MYEF2: variants seen among roughly 807,000 people sequenced by gnomAD.
MYEF2 encodes the protein myelin gene expression factor 2.
A neutral mutation model predicts 75.2 loss-of-function variants in MYEF2; 37 were observed. That is an observed-to-expected ratio of 0.49 (90% CI 0.38 to 0.65). The LOEUF (loss-of-function observed/expected upper bound fraction) is 0.65, where lower values mean the gene tolerates loss of function less well. Among genes scored for constraint, MYEF2 ranks in the 30% least tolerant of loss-of-function variants. The probability of loss-of-function intolerance (pLI) is 0.00; values close to 1 mark genes in which losing one functional copy is unlikely to be tolerated. For missense variants in MYEF2, 634 were observed against 771.4 expected (o/e 0.82, Z 2.11); for synonymous variants, 195 against 241.6 (o/e 0.81, Z 1.79).
At chr15:48,160,486 T>TACATACACACACACACACACACACAC (rs200591805) in intron 5 of MYEF2, among the ~76,000 whole-genome samples, 286 of 139,278 alleles carry the variant, frequency 2.1e-3, no homozygotes, top group African/African-American at 7.4e-3. Flanking sequence ...AAACCAAACA[T>TACATACACACACACACACACACACAC]ACACACACAC....
In MYEF2 at chr15:48,141,176, T is replaced by C; in HGVS notation, c.*1732A>G. ...ACTTTATTAGCAGCAGGAACAAGCA[T>C]ACCAGACACAATTGCAAGTGTGTTG... On this transcript the variant is annotated 3_prime_UTR_variant, in exon 17 of 17. Transcript: ENST00000324324. The C allele has an allele frequency of 1.2e-6, 2 of 1,613,942 alleles. No individual in the cohort carries two copies. Among genetic ancestry groups the C allele is most frequent in the Non-Finnish European group, 8.5e-7 (1 of 1,179,848 alleles).
rs1182977265 is a variant in MYEF2 at position 48,136,164 on chromosome 15, T to C, written c.*6744A>G. On this transcript the variant is annotated 3_prime_UTR_variant, in exon 17 of 17. Coordinates refer to ENST00000324324, the MANE Select transcript of MYEF2 (RefSeq NM_016132.5). ...CATTCAAATCATTAAAAATGCTCTGTATGACAAACTGAAAAATCCCAGCCT... is the reference window on the plus strand; with the variant it reads ...CATTCAAATCATTAAAAATGCTCTGCATGACAAACTGAAAAATCCCAGCCT... The C allele has an allele frequency of 6.6e-6, 1 of 152,150 alleles. No homozygotes were observed. The highest frequency in any genetic ancestry group is 2.4e-5 in the African/African-American group (1 of 41,452). The allele number at this position is 152,150 out of a possible 1,614,324, so 9.4% of individuals were successfully genotyped here.
In MYEF2 at chr15:48,136,905, A is replaced by C. The variant is rs1416356370; in HGVS notation, c.*6003T>G. On this transcript the variant is annotated 3_prime_UTR_variant, in exon 17 of 17. Coordinates refer to ENST00000324324, the MANE Select transcript of MYEF2 (RefSeq NM_016132.5). ...GAACTGATAGTGGAATATTTTATGA[A>C]GATTCTGGCTACTCTCAGCTCTCTA... 3 of 1,613,748 alleles carry C rather than the reference A, an allele frequency of 1.9e-6. No homozygotes were observed. Among genetic ancestry groups the C allele is most frequent in the Non-Finnish European group, 2.5e-6 (3 of 1,179,802 alleles).
Position 48,178,131 on chromosome 15 carries a change from GC to G in MYEF2, c.106del (p.Ala36ArgfsTer32). The G allele has an allele frequency of 6.3e-7, 1 of 1,586,140 alleles. No homozygotes were observed. Among genetic ancestry groups the G allele is most frequent in the African/African-American group, 1.4e-5 (1 of 73,044 alleles). On this transcript the variant is annotated frameshift_variant, in exon 1 of 17. Transcript: ENST00000324324. LOFTEE classifies it high-confidence loss of function. ...PGEPRREPHP[A>X]EAEKQQPQHS... ...CTGCGGCTGCTGCTTCTCCGCCTCC[GC>G]GGGGTGCGGCTCTCGCCGCGGCTCG... is the stretch of plus-strand genomic sequence containing the variant.
rs138700508 is a variant in MYEF2, at chr15:48,175,491, G to A, written c.161+2586C>T. ...ACACCAAAAAATATGGTAGCTATGC[G>A]AGGTAACAGATACGTTAATTAGCGT... On this transcript the variant is annotated intron_variant, in intron 1 of 16. Transcript: ENST00000324324. Among the ~76,000 whole-genome samples the A allele has an allele frequency of 7.1e-3, 1,088 of 152,222 alleles. 15 individuals are homozygous for A. Among genetic ancestry groups the A allele is most frequent in the South Asian group, 0.023 (111 of 4,822 alleles).
At chr15:48,162,016 G>A (rs939100642) in intron 5 of MYEF2, among the ~76,000 whole-genome samples, 1 of 151,442 alleles carries the variant, frequency 6.6e-6, no homozygotes, top group Admixed American at 6.6e-5. Flanking sequence ...ATAATTGGCT[G>A]ACACAAACCA....
chr15:48,172,466 G>A (rs1337492558), intron 1 of MYEF2, among the ~76,000 whole-genome samples: 1 of 145,694 alleles, frequency 6.9e-6, no homozygotes. Context: ...CTAGAAAAAA[G>A]AGCTCAGTCC....
At chr15:48,167,440 T>C (rs774921088) in intron 2 of MYEF2, 39 bp from the exon 3 acceptor site, 3 of 1,593,866 alleles carry the variant, frequency 1.9e-6, no homozygotes, top group East Asian at 2.2e-5. Flanking sequence ...CAAGAAACAA[T>C]ACATTTAAAC....
At chr15:48,157,265 G>A (rs909107773) in intron 9 of MYEF2, 7 of 151,946 alleles carry the variant, frequency 4.6e-5, no homozygotes, top group Non-Finnish European at 7.4e-5. Context: ...CTTTTCAAAG[G>A]AGGCACTGAG....
Position 48,138,379 on chromosome 15 carries a change from A to G in MYEF2, c.*4529T>C, listed in dbSNP as rs2038954436. ...TCATAAATTGTACTTTAGATGATATACTACCTCCTACTTTAAGGTTATTTC... is the reference window on the plus strand; with the variant it reads ...TCATAAATTGTACTTTAGATGATATGCTACCTCCTACTTTAAGGTTATTTC... On this transcript the variant is annotated 3_prime_UTR_variant, in exon 17 of 17. Transcript: ENST00000324324. The G allele has an allele frequency of 6.6e-6, 1 of 152,086 alleles. No homozygotes were observed. Among genetic ancestry groups the G allele is most frequent in the Non-Finnish European group, 1.5e-5 (1 of 67,954 alleles). 9.4% of individuals were successfully genotyped at this position (152,086 alleles called of 1,614,324 possible).
chr15:48,160,893 A>T (rs1051698880), intron 5 of MYEF2, among the ~76,000 whole-genome samples: 4 of 151,932 alleles, frequency 2.6e-5, no homozygotes, highest in African/African-American at 9.7e-5. Flanking sequence ...AAAAAAATGT[A>T]TCAAAGAATG....
At chr15:48,155,518 C>A (rs2039660101) in intron 9 of MYEF2, among the ~76,000 whole-genome samples, 2 of 151,938 alleles carry the variant, frequency 1.3e-5, no homozygotes, top group Admixed American at 6.6e-5. Context: ...AAATGATTAG[C>A]AAACTTGATT....
intron 1 of MYEF2, among the ~76,000 whole-genome samples, chr15:48,177,508 AACAT>A (rs2040581690): frequency 6.6e-6 from 1 of 152,150 alleles, no homozygotes. Flanking sequence ...AGTAACACAA[AACAT>A]AGAGTCTAAC....
Position 48,142,639 on chromosome 15 carries a change from T to A in MYEF2, c.*269A>T, listed in dbSNP as rs2039130689. ...ACAAACAAATCCAACTATGTAGTACTGAAAACAACAAGAAAATGGCTTATT... is the reference window on the plus strand; with the variant it reads ...ACAAACAAATCCAACTATGTAGTACAGAAAACAACAAGAAAATGGCTTATT... On this transcript the variant is annotated 3_prime_UTR_variant, in exon 17 of 17. Transcript: ENST00000324324. 1 of 448,452 alleles carries A rather than the reference T, an allele frequency of 2.2e-6. No homozygotes were observed. The highest frequency in any genetic ancestry group is 2.0e-5 in the African/African-American group (1 of 49,020). The allele number at this position is 448,452 out of a possible 1,614,324, so 27.8% of individuals were successfully genotyped here.
intron 1 of MYEF2, among the ~76,000 whole-genome samples, chr15:48,177,770 G>A (rs1049783494): frequency 6.6e-6 from 1 of 152,178 alleles, no homozygotes; most frequent in African/African-American, 2.4e-5. Flanking sequence ...GCTGAGCTTT[G>A]CTCAAAGATT....
At chr15:48,153,964 A>C in intron 9 of MYEF2, 71 bp from the exon 10 acceptor site, 1 of 1,275,642 alleles carries the variant, frequency 7.8e-7, no homozygotes. Context: ...AAAATTTTTT[A>C]AAAAGCTATA....
intron 1 of MYEF2, among the ~76,000 whole-genome samples, chr15:48,175,867 T>A (rs1445635769): frequency 6.6e-6 from 1 of 152,160 alleles, no homozygotes; most frequent in Non-Finnish European, 1.5e-5. Flanking sequence ...GGAAAACGGA[T>A]CTTTTCTAAA....
At position 48,178,193 on chromosome 15, in the gene MYEF2, G is replaced by T; in HGVS notation, c.45C>A (p.Gly15=). 4.6e-6 allele frequency: 7 copies of T among 1,512,828 alleles called. No individual in the cohort carries two copies. The highest frequency in any genetic ancestry group is 6.2e-6 in the Non-Finnish European group (7 of 1,131,922). The allele number at this position is 1,512,828 out of a possible 1,614,324, so 93.7% of individuals were successfully genotyped here. ...CTGCGGGCTGCAGGTGCGGGCTGTC[G>T]CCACCAGTGGCCCCGGGCACCTCGG... is the stretch of plus-strand genomic sequence containing the variant. ...NKAEVPGATG[G]DSPHLQPAEP... The change falls in exon 1 of 17, where the codon GGC becomes GGA. Residue 15 remains glycine, a synonymous_variant. Transcript: ENST00000324324.
At chr15:48,153,979 T>C (rs994989959) in intron 9 of MYEF2, 86 bp from the exon 10 acceptor site, 2 of 983,448 alleles carry the variant, frequency 2.0e-6, no homozygotes, top group East Asian at 2.7e-5. Context: ...GCTATATACC[T>C]GTAGTAGTAT....
Sources: gnomAD v4.1 joint callset for allele counts (sites outside exome capture counted in the v4.1 genomes callset) on GRCh38, gnomAD v4.1.1 for gene constraint, MANE v1.5 for transcripts, NCBI Gene and HGNC (gene_info 2026-07-23, HGNC 2026-07-21) for gene names.